Variants in NAV3 observed in about 807,000 individuals in gnomAD.
NAV3 encodes neuron navigator 3.
NAV3 carries 87 observed loss-of-function variants against 244.7 expected under a neutral mutation model. That is an observed-to-expected ratio of 0.36 (90% CI 0.30 to 0.42). The LOEUF is 0.42. Ranked by LOEUF, NAV3 falls within the 20% of genes least tolerant of loss-of-function variation. The probability of loss-of-function intolerance (pLI) is 1.00; values close to 1 mark genes in which losing one functional copy is unlikely to be tolerated. For missense variants in NAV3, 2,663 were observed against 2,893.3 expected (o/e 0.92, Z 1.83); for synonymous variants, 1,126 against 1,042.2 (o/e 1.08, Z -1.55).
rs139734012 is a variant in NAV3 at position 77,806,255 on chromosome 12, G to A, written c.73-134064G>A. On this transcript the variant is annotated intron_variant, in intron 2 of 8. Transcript: ENST00000550042. ...CTTCTCTAGTTCTTTTAATTGTGATGTTAGGATGTTGATTTTAGATCTTTC... is the reference window on the plus strand; with the variant it reads ...CTTCTCTAGTTCTTTTAATTGTGATATTAGGATGTTGATTTTAGATCTTTC... Among the ~76,000 whole-genome samples, 1,027 of 152,236 alleles carry A rather than the reference G, an allele frequency of 6.7e-3. 9 individuals carry two copies. The highest frequency in any genetic ancestry group is 0.023 in the African/African-American group (973 of 41,564).
intron 2 of NAV3, among the ~76,000 whole-genome samples, chr12:77,755,203 A>G (rs1869072581): frequency 6.6e-6 from 1 of 152,084 alleles, no homozygotes; most frequent in Non-Finnish European, 1.5e-5. Flanking sequence ...TTTAATCTCA[A>G]CAAAGACTAT....
intron 1 of NAV3, among the ~76,000 whole-genome samples, chr12:77,885,161 A>T (rs1335670255): frequency 6.6e-6 from 1 of 152,096 alleles, no homozygotes; most frequent in African/African-American, 2.4e-5. Flanking sequence ...TTATTCCTAT[A>T]TGGGTTAAGC....
chr12:77,751,369 T>C (rs1026934255), intron 2 of NAV3, among the ~76,000 whole-genome samples: 6 of 152,214 alleles, frequency 3.9e-5, no homozygotes, highest in African/African-American at 1.4e-4. Context: ...GGTTTGGCTG[T>C]GTCCCTGCCC....
intron 3 of NAV3, among the ~76,000 whole-genome samples, chr12:77,942,482 G>A (rs540442476): frequency 6.6e-6 from 1 of 152,092 alleles, no homozygotes; most frequent in Non-Finnish European, 1.5e-5. Context: ...GTATATGGTT[G>A]TGAAAAAAAT....
In NAV3 at chr12:78,151,376, A is replaced by G. The variant is rs181732267; in HGVS notation, c.4785+2457A>G. Among the ~76,000 whole-genome samples the G allele has an allele frequency of 2.6e-4, 40 of 152,196 alleles. No homozygotes were observed. In the East Asian group the frequency reaches 7.7e-3, roughly 29 times the overall value. On this transcript the variant is annotated intron_variant, in intron 22 of 39. Transcript: ENST00000397909. Reference sequence around the variant, plus strand: ...TTTTAATAGCCAAAGAAAGGAAACAACCAAAAATATCCCTTAATAGGCCAG... The same window carrying G: ...TTTTAATAGCCAAAGAAAGGAAACAGCCAAAAATATCCCTTAATAGGCCAG...
rs1415877372 is a variant in NAV3 at position 77,930,424 on chromosome 12, T to C, written c.244-9895T>C. The stretch of plus-strand genomic sequence containing the variant: ...TTTATTGTATAATTTATGTTGACTT[T>C]ATGGCTACATTTACCTTTTTTTTTT... On this transcript the variant is annotated intron_variant, in intron 1 of 39. Transcript: ENST00000397909. Among the ~76,000 whole-genome samples the C allele has an allele frequency of 2.1e-5, 3 of 143,664 alleles. No individual in the cohort carries two copies. In the South Asian group the frequency reaches 6.5e-4, roughly 31 times the overall value. The allele number at this position is 143,664 out of a possible 152,430, so 94.2% of individuals were successfully genotyped here. A position where few individuals can be genotyped will look rare whatever the true frequency, so the allele number is the denominator to read the frequency against.
At chr12:78,184,725 C>A (rs17044955) in intron 30 of NAV3, among the ~76,000 whole-genome samples, 5,539 of 151,662 alleles carry the variant, frequency 0.037, 139 homozygotes, top group Middle Eastern at 0.12. Flanking sequence ...ATTGTCAGAG[C>A]AGTTGAGTCC....
intron 2 of NAV3, among the ~76,000 whole-genome samples, chr12:77,804,223 C>T (rs1024158513): frequency 1.3e-5 from 2 of 152,068 alleles, no homozygotes; most frequent in Non-Finnish European, 2.9e-5. Flanking sequence ...AGGCTTTGTC[C>T]ATGCCTATGT....
intron 2 of NAV3, among the ~76,000 whole-genome samples, chr12:77,767,626 C>T (rs181764302): frequency 1.4e-4 from 22 of 152,308 alleles, no homozygotes; most frequent in Middle Eastern, 3.4e-3. Context: ...ACACCGGCTC[C>T]ATGTAAGCCT....
chr12:77,596,309 C>G (rs1335407597), intron 2 of NAV3, among the ~76,000 whole-genome samples: 7 of 152,160 alleles, frequency 4.6e-5, no homozygotes, highest in Non-Finnish European at 1.0e-4. Flanking sequence ...TTTGAGATCA[C>G]ATTAACTGCT....
At chr12:78,113,002 G>A (rs557319191) in intron 12 of NAV3, among the ~76,000 whole-genome samples, 1 of 152,286 alleles carries the variant, frequency 6.6e-6, no homozygotes, top group East Asian at 1.9e-4. Flanking sequence ...GGGGCTACAG[G>A]CCTCATGGAG....
rs1162352935 is a variant in NAV3 at position 78,128,709 on chromosome 12, T to C, written c.4284T>C (p.Tyr1428=). 3.1e-6 allele frequency: 5 copies of C among 1,613,704 alleles called. No individual in the cohort carries two copies. In the Admixed American group the frequency reaches 5.0e-5, roughly 16 times the overall value. Residue 1428 remains tyrosine, a synonymous_variant, in exon 18 of 40, where the codon TAT becomes TAC. Transcript: ENST00000397909. The part of the protein sequence containing the change: ...RNTLPKKGLR[Y]TPSSRQANQE... ...TCATAGCTGTGCTGTTTTGCAGATATACCCCATCATCTCGGCAGGCCAACC... is the reference window on the plus strand; with the variant it reads ...TCATAGCTGTGCTGTTTTGCAGATACACCCCATCATCTCGGCAGGCCAACC...
chr12:77,940,951 G>A (rs1337154249), intron 2 of NAV3, 130 bp from the exon 3 acceptor site: 3 of 630,612 alleles, frequency 4.8e-6, no homozygotes, highest in African/African-American at 3.7e-5. Flanking sequence ...CTGCTTGGAA[G>A]ACAGAATATA....
chr12:78,008,786 A>G (rs1013472752), intron 8 of NAV3, among the ~76,000 whole-genome samples: 33 of 152,128 alleles, frequency 2.2e-4, no homozygotes, highest in Non-Finnish European at 2.9e-5. Flanking sequence ...TTCTGACTTC[A>G]ATAGTACTAA....
chr12:77,628,754 G>A (rs372596159), intron 2 of NAV3, among the ~76,000 whole-genome samples: 4 of 151,738 alleles, frequency 2.6e-5, no homozygotes, highest in South Asian at 2.1e-4. Context: ...AGCCGGGCAC[G>A]GTGGAGCATG....
At chr12:77,986,090 G>A (rs1046709296) in intron 5 of NAV3, among the ~76,000 whole-genome samples, 2 of 152,158 alleles carry the variant, frequency 1.3e-5, no homozygotes, top group African/African-American at 2.4e-5. Flanking sequence ...GGCTGGGCGC[G>A]GTGGCTCATG....
chr12:77,906,312 A>G (rs1202941564), intron 1 of NAV3, among the ~76,000 whole-genome samples: 1 of 152,084 alleles, frequency 6.6e-6, no homozygotes, highest in African/African-American at 2.4e-5. Context: ...TTGTTCCCCA[A>G]TGCTTTCCAA....
At chr12:77,844,115 T>A (rs1876205705) in intron 1 of NAV3, among the ~76,000 whole-genome samples, 1 of 152,160 alleles carries the variant, frequency 6.6e-6, no homozygotes, top group South Asian at 2.1e-4. Flanking sequence ...CTGGGTAATT[T>A]ATGAACAACA....
intron 1 of NAV3, among the ~76,000 whole-genome samples, chr12:77,834,544 A>G (rs1034433277): frequency 1.3e-5 from 2 of 152,246 alleles, no homozygotes; most frequent in African/African-American, 4.8e-5. Context: ...TGGCAAGAAT[A>G]GAGAGAGACA....
Sources: allele counts gnomAD v4.1 joint callset (sites outside exome capture counted in the v4.1 genomes callset), GRCh38; gene constraint gnomAD v4.1.1; transcripts MANE v1.5; gene names NCBI Gene and HGNC (gene_info 2026-07-23, HGNC 2026-07-21).